Variants in KRTDAP observed in about 807,000 individuals in gnomAD.
KRTDAP encodes the protein keratinocyte differentiation-associated protein.
A neutral mutation model predicts 18.6 loss-of-function variants in KRTDAP; 14 were observed. That is an observed-to-expected ratio of 0.75 (90% CI 0.50 to 1.18). The LOEUF (loss-of-function observed/expected upper bound fraction) is 1.18. KRTDAP is among the 50% of genes most tolerant of loss of function. The pLI, the probability that KRTDAP is intolerant of heterozygous loss-of-function variation, is 0.00. For synonymous variants in KRTDAP, 53 were observed against 49.5 expected (o/e 1.07, Z -0.29); for missense variants, 114 against 121.3 (o/e 0.94, Z 0.28).
intron 5 of KRTDAP, 74 bp downstream of exon 5, chr19:35,487,638 A>G: frequency 1.5e-6 from 2 of 1,333,890 alleles, no homozygotes; most frequent in Non-Finnish European, 2.2e-6. Context: ...CCCTGTCCCC[A>G]CTCTCTCTCC....
intron 5 of KRTDAP, 47 bp downstream of exon 5, chr19:35,487,665 T>C (rs62111717): frequency 0.21 from 311,600 of 1,509,214 alleles, 34,993 homozygotes; most frequent in Non-Finnish European, 0.23. Context: ...TTCTGCTTCT[T>C]CCCTTACCCC....
At chr19:35,488,870 G>A (rs1410709869) in intron 1 of KRTDAP, 30 bp from the exon 2 acceptor site, 1 of 1,611,198 alleles carries the variant, frequency 6.2e-7, no homozygotes, top group Non-Finnish European at 8.5e-7. Context: ...AAAGGCGGCA[G>A]GGGGTCACGT....
At chr19:35,488,572 C>A (rs1166000804) in intron 3 of KRTDAP, 87 bp from the exon 4 acceptor site, 21 of 1,607,430 alleles carry the variant, frequency 1.3e-5, no homozygotes, top group South Asian at 2.2e-5. Context: ...GGTGAAGGAA[C>A]CGTGGCAGCT....
In KRTDAP at chr19:35,490,350, G is replaced by A. The variant is rs368077031; in HGVS notation, c.87+6C>T. 3.2e-6 allele frequency: 5 copies of A among 1,581,570 alleles called. No individual in the cohort carries two copies. Among genetic ancestry groups the A allele is most frequent in the Non-Finnish European group, 4.3e-6 (5 of 1,158,668 alleles). On this transcript the variant is annotated splice_donor_region_variant and intron_variant, in intron 1 of 5. Coordinates refer to ENST00000338897, the MANE Select transcript of KRTDAP (RefSeq NM_207392.3). ...ATAAGAATAAAAATGCAGGTGACGT[G>A]CTCACCTCAGGACCACCCAGGGTGG...
At position 35,487,333 on chromosome 19, in the gene KRTDAP, G is replaced by C; in HGVS notation, c.*95C>G. ...ACGCAGATACAGGAGCTGTTGGATG[G>C]AAAATGTTTTATTGGAGTTCCTGAG... is the stretch of plus-strand genomic sequence containing the variant. On this transcript the variant is annotated 3_prime_UTR_variant, in exon 6 of 6. Transcript: ENST00000338897. The C allele has an allele frequency of 2.5e-6, 3 of 1,203,420 alleles. No individual in the cohort carries two copies. The highest frequency in any genetic ancestry group is 1.7e-5 in the Admixed American group (1 of 59,392). 74.5% of individuals were successfully genotyped at this position (1,203,420 alleles called of 1,614,324 possible). A position where few individuals can be genotyped will look rare whatever the true frequency, so the allele number is the denominator to read the frequency against.
At chr19:35,488,777 G>A (rs763457690) in intron 2 of KRTDAP, 25 bp downstream of exon 2, 3 of 1,614,176 alleles carry the variant, frequency 1.9e-6, no homozygotes, top group South Asian at 1.1e-5. Context: ...CGTGGCTGGA[G>A]GGCCGGGGAA....
chr19:35,490,137 C>T (rs995475810), intron 1 of KRTDAP, among the ~76,000 whole-genome samples: 3 of 152,154 alleles, frequency 2.0e-5, no homozygotes, highest in African/African-American at 7.2e-5. Context: ...GCCTCCCCAA[C>T]ACACTTCACC....
rs2067514918 is a variant in KRTDAP at position 35,490,291 on chromosome 19, G to A, written c.87+65C>T. On this transcript the variant is annotated intron_variant, in intron 1 of 5. Transcript: ENST00000338897. ...GCCACTTATCCAGGAATGGACAGGA[G>A]GTAGAGAGATGGAGGGGTAGGTGGG... 1.9e-5 allele frequency: 19 copies of A among 999,608 alleles called. No homozygotes were observed. In the South Asian group the frequency reaches 2.7e-4, roughly 14 times the overall value. 61.9% of individuals were successfully genotyped at this position (999,608 alleles called of 1,614,324 possible).
intron 4 of KRTDAP, 32 bp downstream of exon 4, chr19:35,488,409 C>A: frequency 1.2e-6 from 2 of 1,608,484 alleles, no homozygotes; most frequent in Non-Finnish European, 8.5e-7. Context: ...CTGCAGACAA[C>A]CGAGGAGGGC....
intron 5 of KRTDAP, 41 bp from the exon 6 acceptor site, chr19:35,487,507 G>T: frequency 1.9e-6 from 3 of 1,564,510 alleles, no homozygotes; most frequent in Non-Finnish European, 2.6e-6. Flanking sequence ...GAACCCGTGG[G>T]TGCCCAGTAT....
At chr19:35,489,590 C>T (rs1268363404) in intron 1 of KRTDAP, among the ~76,000 whole-genome samples, 1 of 152,158 alleles carries the variant, frequency 6.6e-6, no homozygotes, top group African/African-American at 2.4e-5. Context: ...GGAAAGTTGG[C>T]CCCATTTCAC....
In KRTDAP at chr19:35,490,446, G is replaced by A. The variant is rs371483254; in HGVS notation, c.-4C>T. ...CAGGAAGGACCGGGATCTTCATGGCGTCAAGTTTGGGGTGCTCTGAGGCGG... is the reference window on the plus strand; with the variant it reads ...CAGGAAGGACCGGGATCTTCATGGCATCAAGTTTGGGGTGCTCTGAGGCGG... On this transcript the variant is annotated 5_prime_UTR_variant, in exon 1 of 6. The change creates a new upstream start codon in the 5' untranslated region. Coordinates refer to ENST00000338897, the MANE Select transcript of KRTDAP (RefSeq NM_207392.3). 216 of 1,607,866 alleles carry A rather than the reference G, an allele frequency of 1.3e-4. No individual in the cohort carries two copies. The highest frequency in any genetic ancestry group is 4.3e-4 in the Admixed American group (26 of 59,832).
At position 35,487,955 on chromosome 19, in the gene KRTDAP, T is replaced by C. The variant is rs530134733; in HGVS notation, c.214-196A>G. Among the ~76,000 whole-genome samples the C allele has an allele frequency of 3.9e-5, 6 of 152,268 alleles. 1 individual carries two copies. In the South Asian group the frequency reaches 1.2e-3, roughly 32 times the overall value. ...TGCACGGGCTGCTCTACAAGCATGA[T>C]TTCAGTGGGTTTTTACAGCAACCTT... On this transcript the variant is annotated intron_variant, in intron 4 of 5. Transcript: ENST00000338897.
chr19:35,490,219 CTCAGAGCCCCAGTTTCT>C, intron 1 of KRTDAP, 120 bp downstream of exon 1: 1 of 555,908 alleles, frequency 1.8e-6, no homozygotes. Flanking sequence ...TCCTCCCTTC[CTCAGAGCCCCAGTTTCT>C]TCAGCCCCCA....
intron 1 of KRTDAP, among the ~76,000 whole-genome samples, chr19:35,489,163 A>T (rs1452366110): frequency 6.6e-6 from 1 of 152,124 alleles, no homozygotes; most frequent in African/African-American, 2.4e-5. Flanking sequence ...TGTTCTGGAG[A>T]CACCCACGCT....
rs768616470 is a variant in KRTDAP, at chr19:35,488,679, T to C, written c.151A>G (p.Ile51Val). 40 of 1,614,048 alleles carry C rather than the reference T, an allele frequency of 2.5e-5. No homozygotes were observed. The highest frequency in any genetic ancestry group is 3.1e-5 in the Non-Finnish European group (36 of 1,180,038). Residue 51 changes from isoleucine to valine, a missense_variant, in exon 3 of 6, where the codon ATC becomes GTC. Coordinates refer to ENST00000338897, the MANE Select transcript of KRTDAP (RefSeq NM_207392.3). ...PEAFNTPFLN[I>V]DKLRSAFKAD... The stretch of plus-strand genomic sequence containing the variant: ...GTACTCACAGATCGCAATTTGTCGA[T>C]GTTCAGGAACGGGGTGTTAAAGGCC...
Position 35,487,722 on chromosome 19 carries a change from G to C in KRTDAP, c.251C>G (p.Ala84Gly). The change falls in exon 5 of 6, where the codon GCC becomes GGC. Residue 84 changes from alanine (A) to glycine (G), a missense_variant. Transcript: ENST00000338897. ...GCCCACACCTCTTACCTTAGGAAAG[G>C]CATCCCAGTTGAGGAAAGGAAGTTT... ...KRKLPFLNWD[A>G]FPKLKGLRSA... The C allele has an allele frequency of 1.2e-6, 2 of 1,612,884 alleles. No homozygotes were observed. The highest frequency in any genetic ancestry group is 1.1e-5 in the South Asian group (1 of 91,046).
In KRTDAP at chr19:35,490,426, A is replaced by G. The variant is rs1407472677; in HGVS notation, c.17T>C (p.Leu6Pro). Residue 6 changes from leucine to proline, a missense_variant, in exon 1 of 6, where the codon CTT becomes CCT. By Grantham distance (98) the Leu-to-Pro change is moderately conservative (BLOSUM62 -3). Transcript: ENST00000338897. MKIPV[L>P]PAVVLLSLLV... ...GAGGGAGAGGAGCACCACGGCAGGA[A>G]GGACCGGGATCTTCATGGCGTCAAG... 3.1e-6 allele frequency: 5 copies of G among 1,613,536 alleles called. No homozygotes were observed. Among genetic ancestry groups the G allele is most frequent in the Non-Finnish European group, 4.2e-6 (5 of 1,179,674 alleles).
At chr19:35,488,030 G>A (rs566867269) in intron 4 of KRTDAP, among the ~76,000 whole-genome samples, 1 of 152,212 alleles carries the variant, frequency 6.6e-6, no homozygotes, top group African/African-American at 2.4e-5. Flanking sequence ...AGCGGAGGCC[G>A]AGGGAGCTGA....
Sources: gnomAD v4.1 joint callset for allele counts (sites outside exome capture counted in the v4.1 genomes callset) on GRCh38, gnomAD v4.1.1 for gene constraint, MANE v1.5 for transcripts, NCBI Gene and HGNC (gene_info 2026-07-23, HGNC 2026-07-21) for gene names.